The following GPC6 variants were observed in gnomAD, a reference collection of about 807,000 sequenced individuals.
The protein encoded by GPC6 is glypican-6.
GPC6 carries 14 observed loss-of-function variants against 55.2 expected under a neutral mutation model. The observed-to-expected ratio is 0.25, with a 90% CI of 0.17 to 0.40. The LOEUF (loss-of-function observed/expected upper bound fraction) is 0.40, where lower values mean the gene tolerates loss of function less well. Among genes scored for constraint, GPC6 ranks in the 10% least tolerant of loss-of-function variants. The pLI is 1.00. For missense variants in GPC6, 641 were observed against 708.5 expected, an observed-to-expected ratio of 0.90 and a Z score of 1.08; for synonymous variants, 278 against 259.6, an observed-to-expected ratio of 1.07 and a Z score of -0.68.
intron 4 of GPC6, among the ~76,000 whole-genome samples, chr13:94,201,281 T>C (rs1388881703): frequency 6.6e-6 from 1 of 152,110 alleles, no homozygotes; most frequent in East Asian, 1.9e-4. Flanking sequence ...GTGACAGAAA[T>C]GAATCACCTC....
intron 5 of GPC6, among the ~76,000 whole-genome samples, chr13:94,291,292 CAG>C (rs1192598026): frequency 1.3e-5 from 2 of 152,000 alleles, no homozygotes; most frequent in Non-Finnish European, 2.9e-5. Context: ...AAAAAAATGA[CAG>C]AAACAAAATA....
chr13:93,571,572 G>A (rs1876407050), intron 2 of GPC6, among the ~76,000 whole-genome samples: 1 of 152,108 alleles, frequency 6.6e-6, no homozygotes. Context: ...TCTGCATGAA[G>A]GAACTAAGAC....
chr13:93,356,067 C>T (rs1048921912), intron 1 of GPC6, among the ~76,000 whole-genome samples: 1 of 152,002 alleles, frequency 6.6e-6, no homozygotes, highest in Non-Finnish European at 1.5e-5. Flanking sequence ...AACTTGTATC[C>T]AAGGCATGTA....
chr13:94,143,909 T>C (rs58675440), intron 4 of GPC6, among the ~76,000 whole-genome samples: 27,731 of 152,088 alleles, frequency 0.18, 2,839 homozygotes, highest in Non-Finnish European at 0.23. Context: ...ATAAATAAAA[T>C]TATAGCAATT....
chr13:93,987,391 G>A (rs540250484), intron 3 of GPC6, among the ~76,000 whole-genome samples: 1 of 152,184 alleles, frequency 6.6e-6, no homozygotes, highest in South Asian at 2.1e-4. Flanking sequence ...ATAAGAAACA[G>A]TTATTAAAGT....
At chr13:94,353,246 A>G (rs1322637101) in intron 6 of GPC6, among the ~76,000 whole-genome samples, 2 of 152,168 alleles carry the variant, frequency 1.3e-5, no homozygotes, top group Non-Finnish European at 2.9e-5. Flanking sequence ...ATCGAAGTTC[A>G]AGACCACCGA....
intron 7 of GPC6, among the ~76,000 whole-genome samples, chr13:94,395,968 C>T (rs146324487): frequency 3.2e-3 from 485 of 152,338 alleles, no homozygotes; most frequent in African/African-American, 0.011. Context: ...TGGGAGGCAG[C>T]AGCTGGAGGT....
chr13:93,424,300 A>T (rs752788830), intron 1 of GPC6, among the ~76,000 whole-genome samples: 1 of 152,178 alleles, frequency 6.6e-6, no homozygotes, highest in Non-Finnish European at 1.5e-5. Flanking sequence ...CTCGTGCCCC[A>T]GCATCGACCA....
chr13:93,379,347 T>A (rs1033418456), intron 1 of GPC6, among the ~76,000 whole-genome samples: 1 of 152,210 alleles, frequency 6.6e-6, no homozygotes, highest in Non-Finnish European at 1.5e-5. Context: ...TACTTAGTAA[T>A]TGCAGTTGAT....
chr13:93,387,125 G>A (rs1400228484), intron 1 of GPC6, among the ~76,000 whole-genome samples: 1 of 67,764 alleles, frequency 1.5e-5, no homozygotes, highest in African/African-American at 6.1e-5. Flanking sequence ...TGACTTGATG[G>A]TTTCTTTCTT....
chr13:93,932,239 T>C (rs1878214735), intron 3 of GPC6, among the ~76,000 whole-genome samples: 2 of 152,184 alleles, frequency 1.3e-5, no homozygotes. Flanking sequence ...ATAAATTTTG[T>C]GCAGATGGAT....
intron 4 of GPC6, among the ~76,000 whole-genome samples, chr13:94,227,089 A>T (rs1390363522): frequency 1.3e-5 from 2 of 152,204 alleles, no homozygotes; most frequent in Non-Finnish European, 2.9e-5. Flanking sequence ...GGAGATACTA[A>T]CAACTCACTG....
intron 1 of GPC6, among the ~76,000 whole-genome samples, chr13:93,344,635 T>G (rs1880370663): frequency 6.6e-6 from 1 of 152,328 alleles, no homozygotes; most frequent in African/African-American, 2.4e-5. Flanking sequence ...CTATTTCCAC[T>G]ATTGAATAGG....
chr13:93,234,610 A>C lies in GPC6; in HGVS notation c.160+6994A>C, dbSNP rs1461801573. ...AAATACTTAGTAGGTGAAATGGATC[A>C]AAGTTACTTACTTAGCATCTACTAT... On this transcript the variant is annotated intron_variant, in intron 1 of 8. Transcript: ENST00000377047. Among the ~76,000 whole-genome samples, 4 of 152,124 alleles carry C rather than the reference A, an allele frequency of 2.6e-5. No homozygotes were observed. In the East Asian group the frequency reaches 7.7e-4, roughly 29 times the overall value.
upstream of GPC6, among the ~76,000 whole-genome samples, chr13:93,225,734 A>C (rs1288778491): frequency 6.6e-6 from 1 of 152,214 alleles, no homozygotes. Context: ...TTTAAACTTC[A>C]TGAGTCATTC....
chr13:94,243,761 A>G (rs1891122827), intron 4 of GPC6, among the ~76,000 whole-genome samples: 1 of 152,088 alleles, frequency 6.6e-6, no homozygotes, highest in African/African-American at 2.4e-5. Flanking sequence ...AGACCACACA[A>G]ACTATTTTTG....
chr13:93,244,890 G>T (rs1051171318), intron 1 of GPC6, among the ~76,000 whole-genome samples: 1 of 151,966 alleles, frequency 6.6e-6, no homozygotes, highest in Non-Finnish European at 1.5e-5. Context: ...TTTTCAAAAG[G>T]GTGACGCACA....
intron 6 of GPC6, among the ~76,000 whole-genome samples, chr13:94,353,123 G>A (rs1364128263): frequency 1.3e-5 from 2 of 152,012 alleles, no homozygotes; most frequent in East Asian, 1.9e-4. Context: ...AAGTAGATAC[G>A]ACTTACAAGG....
chr13:93,322,649 A>G (rs1275134595), intron 1 of GPC6, among the ~76,000 whole-genome samples: 1 of 151,728 alleles, frequency 6.6e-6, no homozygotes, highest in African/African-American at 2.4e-5. Flanking sequence ...CATGTTGGCC[A>G]GGCTGGTGTC....
Sources: allele counts gnomAD v4.1 joint callset (sites outside exome capture counted in the v4.1 genomes callset), GRCh38; gene constraint gnomAD v4.1.1; transcripts MANE v1.5; gene names NCBI Gene and HGNC (gene_info 2026-07-23, HGNC 2026-07-21).